The following HSP90B1 variants were observed in gnomAD, a reference collection of about 807,000 sequenced individuals.
The protein encoded by HSP90B1 is heat shock protein 90 beta family member 1.
Under a neutral mutation model 100.4 loss-of-function variants are expected in HSP90B1, and 27 were observed. The observed-to-expected ratio is 0.27, with a 90% CI of 0.20 to 0.37. The LOEUF (loss-of-function observed/expected upper bound fraction) is 0.37. HSP90B1 is among the 10% of genes least tolerant of loss of function. The pLI is 1.00. For missense variants in HSP90B1, 678 were observed against 960.5 expected, an observed-to-expected ratio of 0.71 and a Z score of 3.89; for synonymous variants, 304 against 330.8, an observed-to-expected ratio of 0.92 and a Z score of 0.88.
In HSP90B1 at chr12:103,941,811, ACTTT is replaced by A; in HGVS notation, c.1309-16_1309-13del. On this transcript the variant is annotated splice_polypyrimidine_tract_variant and intron_variant, in intron 10 of 17. Coordinates refer to ENST00000299767, the MANE Select transcript of HSP90B1 (RefSeq NM_003299.3). ...TTCCAGTGGTTTTATTGCTCACTGAACTTTCTTTTGCCATCTGAAGGTGGACTCA... is the reference window on the plus strand; with the variant it reads ...TTCCAGTGGTTTTATTGCTCACTGAACTTTTGCCATCTGAAGGTGGACTCA... 1 of 1,612,490 alleles carries A rather than the reference ACTTT, an allele frequency of 6.2e-7. No homozygotes were observed. Among genetic ancestry groups the A allele is most frequent in the Non-Finnish European group, 8.5e-7 (1 of 1,178,564 alleles).
Position 103,943,659 on chromosome 12 carries a change from T to G in HSP90B1, c.1891-79T>G. The G allele has an allele frequency of 7.2e-7, 1 of 1,385,540 alleles. No homozygotes were observed. The highest frequency in any genetic ancestry group is 1.0e-6 in the Non-Finnish European group (1 of 1,003,884). The allele number at this position is 1,385,540 out of a possible 1,614,324, so 85.8% of individuals were successfully genotyped here. ...GTGTTTATGATCTTAAGTGATAAAGTCTTAGACAGTTGAAAGACAATTGCT... is the reference window on the plus strand; with the variant it reads ...GTGTTTATGATCTTAAGTGATAAAGGCTTAGACAGTTGAAAGACAATTGCT... On this transcript the variant is annotated intron_variant, in intron 13 of 17. Coordinates refer to ENST00000299767, the MANE Select transcript of HSP90B1 (RefSeq NM_003299.3). The surrounding 1 kb of genome is among the most constrained non-coding windows in gnomAD (Gnocchi z 5.3).
intron 8 of HSP90B1, among the ~76,000 whole-genome samples, chr12:103,940,756 T>G (rs868334555): frequency 6.6e-6 from 1 of 152,158 alleles, no homozygotes; most frequent in Non-Finnish European, 1.5e-5. Flanking sequence ...ATACCCCAAA[T>G]AGTATTATTT....
At position 103,943,325 on chromosome 12, in the gene HSP90B1, G is replaced by A. The variant is rs377420630; in HGVS notation, c.1890+6G>A. 17 of 1,612,006 alleles carry A rather than the reference G, an allele frequency of 1.1e-5. No homozygotes were observed. The highest frequency in any genetic ancestry group is 1.7e-5 in the Admixed American group (1 of 59,670). On this transcript the variant is annotated splice_donor_region_variant and intron_variant, in intron 13 of 17. Coordinates refer to ENST00000299767, the MANE Select transcript of HSP90B1 (RefSeq NM_003299.3). The surrounding 1 kb of genome is among the most constrained non-coding windows in gnomAD (Gnocchi z 5.3). The stretch of plus-strand genomic sequence containing the variant: ...ATAAAGCCCTTAAGGACAAGGTACT[G>A]TGGAAATTACAAATTGTGGAAATAT...
rs1375815469 is a variant in HSP90B1, at chr12:103,947,811, G to C, written c.*149G>C. ...GATTATGGGTCACAGGAAAAAGTGG[G>C]TTTTTTAGTTGAATTTTTTTTAACA... is the stretch of plus-strand genomic sequence containing the variant. On this transcript the variant is annotated 3_prime_UTR_variant, in exon 18 of 18. Coordinates refer to ENST00000299767, the MANE Select transcript of HSP90B1 (RefSeq NM_003299.3). The C allele has an allele frequency of 1.4e-6, 1 of 711,008 alleles. No homozygotes were observed. The highest frequency in any genetic ancestry group is 2.5e-6 in the Non-Finnish European group (1 of 396,588). 44.0% of individuals were successfully genotyped at this position (711,008 alleles called of 1,614,324 possible).
intron 8 of HSP90B1, among the ~76,000 whole-genome samples, chr12:103,940,729 AATTT>A (rs1238043634): frequency 1.3e-5 from 2 of 152,216 alleles, no homozygotes; most frequent in African/African-American, 4.8e-5. Context: ...TTAATAGTAT[AATTT>A]ATTTAACCCA....
At chr12:103,931,685 ACTT>A (rs1869767665) in intron 2 of HSP90B1, 62 bp downstream of exon 2, 1 of 1,147,724 alleles carries the variant, frequency 8.7e-7, no homozygotes, top group African/African-American at 1.5e-5. Flanking sequence ...AGTTACGGTC[ACTT>A]CTTATGTATC....
chr12:103,930,438 G>A lies in HSP90B1; in HGVS notation c.-78G>A, dbSNP rs879531557. On this transcript the variant is annotated 5_prime_UTR_variant, in exon 1 of 18. Coordinates refer to ENST00000299767, the MANE Select transcript of HSP90B1 (RefSeq NM_003299.3). This position sits in a 1 kb window ranked among gnomAD's most constrained non-coding sequence, Gnocchi z 4.4. ...GGGCGGACCGCGCGGCTGGAGGTGT[G>A]AGGATCCGAACCCAGGGGTGGGGGG... 5.7e-6 allele frequency: 8 copies of A among 1,399,294 alleles called. No individual in the cohort carries two copies. Among genetic ancestry groups the A allele is most frequent in the African/African-American group, 2.9e-5 (2 of 68,218 alleles). 86.7% of individuals were successfully genotyped at this position (1,399,294 alleles called of 1,614,324 possible).
chr12:103,933,927 C>G, intron 4 of HSP90B1, 29 bp from the exon 5 acceptor site: 2 of 1,558,256 alleles, frequency 1.3e-6, no homozygotes, highest in South Asian at 2.3e-5. Context: ...ATATTAAATA[C>G]AACTATCTGG....
chr12:103,937,954 G>A, intron 6 of HSP90B1, 148 bp downstream of exon 6: 5 of 536,404 alleles, frequency 9.3e-6, no homozygotes, highest in Non-Finnish European at 1.3e-5. Context: ...ATCACCTGAG[G>A]TCAGGAGTTC....
intron 8 of HSP90B1, 138 bp from the exon 9 acceptor site, chr12:103,941,272 C>A (rs1230666221): frequency 4.1e-6 from 3 of 723,576 alleles, no homozygotes; most frequent in Non-Finnish European, 4.6e-6. Flanking sequence ...TCTTTCTCTT[C>A]CCCACCTCCC....
At position 103,942,654 on chromosome 12, in the gene HSP90B1, C is replaced by G. The variant is rs1441073648; in HGVS notation, c.1502C>G (p.Ser501Trp). The G allele has an allele frequency of 1.9e-6, 3 of 1,613,966 alleles. No homozygotes were observed. The highest frequency in any genetic ancestry group is 1.7e-6 in the Non-Finnish European group (2 of 1,179,886). Residue 501 changes from serine to tryptophan, a missense_variant, in exon 12 of 18, where the codon TCG (serine) becomes TGG (tryptophan). Coordinates refer to ENST00000299767, the MANE Select transcript of HSP90B1 (RefSeq NM_003299.3). Reference sequence around the variant, plus strand: ...AAGCTTGGTGTGATTGAAGACCACTCGAATCGAACACGTCTTGCTAAACTT... The same window carrying G: ...AAGCTTGGTGTGATTGAAGACCACTGGAATCGAACACGTCTTGCTAAACTT... ...NIKLGVIEDHSNRTRLAKLLR... is the reference protein window; with the variant it reads ...NIKLGVIEDHWNRTRLAKLLR...
Position 103,934,065 on chromosome 12 carries a change from T to G in HSP90B1, c.521T>G (p.Phe174Cys). ...ATAGCCAAATCTGGGACAAGCGAGT[T>G]TTTAAACAAAATGACTGAAGCACAG... is the stretch of plus-strand genomic sequence containing the variant. ...GTIAKSGTSE[F>C]LNKMTEAQED... Residue 174 changes from phenylalanine to cysteine, a missense_variant, in exon 5 of 18, where the codon TTT becomes TGT. Phe to Cys is a radical substitution (Grantham distance 205, BLOSUM62 -2). Around this residue, in one of 8 missense-constraint regions of HSP90B1, gnomAD observed 238 missense variants for 346.7 expected, o/e 0.69. Transcript: ENST00000299767. The G allele has an allele frequency of 6.2e-7, 1 of 1,614,158 alleles. No homozygotes were observed. The highest frequency in any genetic ancestry group is 8.5e-7 in the Non-Finnish European group (1 of 1,180,032).
At position 103,933,961 on chromosome 12, in the gene HSP90B1, T is replaced by C. The variant is rs1869834892; in HGVS notation, c.417T>C (p.Asp139=). 2 of 1,611,744 alleles carry C rather than the reference T, an allele frequency of 1.2e-6. No homozygotes were observed. Among genetic ancestry groups the C allele is most frequent in the South Asian group, 1.1e-5 (1 of 90,992 alleles). The change falls in exon 5 of 18, where the codon GAT becomes GAC. Residue 139 remains aspartate, a synonymous_variant. Transcript: ENST00000299767. ...GGTTCTTGTCTTGCATTTAGTGTGA[T>C]AAGGAGAAGAACCTGCTGCATGTCA... ...NEELTVKIKC[D]KEKNLLHVTD...
At chr12:103,931,272 G>T (rs2136211937) in intron 1 of HSP90B1, among the ~76,000 whole-genome samples, 1 of 152,304 alleles carries the variant, frequency 6.6e-6, no homozygotes, top group South Asian at 2.1e-4. Context: ...ATTTATAAAT[G>T]ATCGGAGACA....
rs1179722438 is a variant in HSP90B1 at position 103,932,267 on chromosome 12, AT to A, written c.153-7del. The A allele has an allele frequency of 2.5e-6, 4 of 1,599,802 alleles. No homozygotes were observed. The highest frequency in any genetic ancestry group is 3.4e-6 in the Non-Finnish European group (4 of 1,174,046). On this transcript the variant is annotated splice_polypyrimidine_tract_variant and intron_variant, in intron 2 of 17. Transcript: ENST00000299767. ...CATGCAATATTTGCTTACCTAACTGATTTCCTTAGAGAGGAAGAAGCTATTC... is the reference window on the plus strand; with the variant it reads ...CATGCAATATTTGCTTACCTAACTGATTCCTTAGAGAGGAAGAAGCTATTC...
In HSP90B1 at chr12:103,942,509, T is replaced by A; in HGVS notation, c.1375-18T>A. 1 of 1,609,404 alleles carries A rather than the reference T, an allele frequency of 6.2e-7. No homozygotes were observed. Among genetic ancestry groups the A allele is most frequent in the Non-Finnish European group, 8.5e-7 (1 of 1,176,334 alleles). On this transcript the variant is annotated intron_variant, in intron 11 of 17. Transcript: ENST00000299767. ...GGAGATTAACTTCTCTAATCAGTTATTCTTTCATTGTGTTTAGGTGATTAG... is the reference window on the plus strand; with the variant it reads ...GGAGATTAACTTCTCTAATCAGTTAATCTTTCATTGTGTTTAGGTGATTAG...
chr12:103,936,663 T>C (rs977774651), intron 5 of HSP90B1, among the ~76,000 whole-genome samples: 2 of 151,028 alleles, frequency 1.3e-5, no homozygotes, highest in African/African-American at 4.9e-5. Context: ...ATAAAATTTC[T>C]AATGGGTGCC....
At position 103,943,641 on chromosome 12, in the gene HSP90B1, T is replaced by G; in HGVS notation, c.1891-97T>G. The G allele has an allele frequency of 2.4e-5, 29 of 1,227,916 alleles. No homozygotes were observed. The highest frequency in any genetic ancestry group is 3.0e-5 in the Non-Finnish European group (27 of 885,924). 76.1% of individuals were successfully genotyped at this position (1,227,916 alleles called of 1,614,324 possible). A position where few individuals can be genotyped will look rare whatever the true frequency, so the allele number is the denominator to read the frequency against. On this transcript the variant is annotated intron_variant, in intron 13 of 17. Coordinates refer to ENST00000299767, the MANE Select transcript of HSP90B1 (RefSeq NM_003299.3). The surrounding 1 kb of genome is among the most constrained non-coding windows in gnomAD (Gnocchi z 5.3). ...TTTTTATGACCTGCTTCTGTGTTTA[T>G]GATCTTAAGTGATAAAGTCTTAGAC... is the stretch of plus-strand genomic sequence containing the variant.
chr12:103,934,989 C>T (rs1350608632), intron 5 of HSP90B1, among the ~76,000 whole-genome samples: 1 of 152,188 alleles, frequency 6.6e-6, no homozygotes, highest in Non-Finnish European at 1.5e-5. Flanking sequence ...GCATGAGCTA[C>T]CGTGCCCAGC....
Sources: gnomAD v4.1 joint callset for allele counts (sites outside exome capture counted in the v4.1 genomes callset) on GRCh38, gnomAD v4.1.1 for gene constraint, gnomAD v4.1.1 regional missense constraint, Gnocchi (gnomAD v3.1) non-coding constraint, MANE v1.5 for transcripts, NCBI Gene and HGNC (gene_info 2026-07-23, HGNC 2026-07-21) for gene names.